The following EHF variants were observed in gnomAD, a reference collection of about 807,000 sequenced individuals.
EHF encodes ETS homologous factor, also known as ESE3 transcription factor.
In EHF, 14 loss-of-function variants were observed where a neutral mutation model predicts 45.1. The ratio of observed to expected loss-of-function variants is 0.31; its 90% CI spans 0.21 to 0.49. EHF has a LOEUF of 0.49. EHF is among the 20% of genes least tolerant of loss of function. The probability of loss-of-function intolerance (pLI) is 0.99; values close to 1 mark genes in which losing one functional copy is unlikely to be tolerated. For synonymous variants in EHF, 136 were observed against 131.8 expected, an observed-to-expected ratio of 1.03 and a Z score of -0.22; for missense variants, 282 against 371.4, an observed-to-expected ratio of 0.76 and a Z score of 1.98.
chr11:34,658,746 T>G lies in EHF; in HGVS notation c.803+18T>G. 1 of 1,609,154 alleles carries G rather than the reference T, an allele frequency of 6.2e-7. No homozygotes were observed. Among genetic ancestry groups the G allele is most frequent in the South Asian group, 1.1e-5 (1 of 90,220 alleles). ...GCTATGAGGTGAGGAGTTTCATGTC[T>G]CTGAAAACAAAAAGGCTGTACGACC... On this transcript the variant is annotated intron_variant, in intron 8 of 8. Coordinates refer to ENST00000257831, the MANE Select transcript of EHF (RefSeq NM_012153.6).
intron 4 of EHF, among the ~76,000 whole-genome samples, chr11:34,650,175 C>G (rs1855001650): frequency 6.6e-6 from 1 of 152,170 alleles, no homozygotes; most frequent in Non-Finnish European, 1.5e-5. Flanking sequence ...CAGGGTAATA[C>G]TGGAGAGGTC....
intron 1 of EHF, among the ~76,000 whole-genome samples, chr11:34,623,091 CT>C (rs962387441): frequency 2.6e-4 from 40 of 151,996 alleles, no homozygotes; most frequent in South Asian, 6.3e-4. Context: ...TCAAACAATC[CT>C]TTTTGGTTTT....
intron 1 of EHF, chr11:34,632,415 A>G (rs897775929): frequency 1.1e-5 from 15 of 1,419,908 alleles, no homozygotes; most frequent in Non-Finnish European, 1.3e-5. Flanking sequence ...TGACCCTCCT[A>G]CACATAAACA....
At chr11:34,654,807 A>G (rs1855512879) in intron 6 of EHF, among the ~76,000 whole-genome samples, 1 of 152,218 alleles carries the variant, frequency 6.6e-6, no homozygotes, top group African/African-American at 2.4e-5. Flanking sequence ...ATTCTAGATC[A>G]ACTAGGAACC....
At chr11:34,651,690 G>A (rs767930242) in intron 5 of EHF, 47 bp from the exon 6 acceptor site, 18 of 1,608,072 alleles carry the variant, frequency 1.1e-5, no homozygotes, top group Non-Finnish European at 1.4e-5. Context: ...ATTGTGAGGT[G>A]GGGGGAGGGG....
In EHF at chr11:34,661,629, C is replaced by T. The variant is rs923980062; in HGVS notation, c.*2698C>T. Among the ~76,000 whole-genome samples the T allele has an allele frequency of 6.6e-6, 1 of 152,030 alleles. No homozygotes were observed. The highest frequency in any genetic ancestry group is 6.6e-5 in the Admixed American group (1 of 15,232). On this transcript the variant is annotated 3_prime_UTR_variant, in exon 9 of 9. Transcript: ENST00000257831. ...TTTGCTGCATTTTCTATGTGCTGTT[C>T]GTGACTTGGAGAACTTAAAGTAATC...
chr11:34,660,054 A>G lies in EHF; in HGVS notation c.*1123A>G, dbSNP rs544993465. On this transcript the variant is annotated 3_prime_UTR_variant, in exon 9 of 9. Coordinates refer to ENST00000257831, the MANE Select transcript of EHF (RefSeq NM_012153.6). ...GGTGGTTTATTCTCAGAAGAAAAAG[A>G]TATGTAAGGTCTTTTAGCTCCTTAG... 2 of 152,132 alleles carry G rather than the reference A, an allele frequency of 1.3e-5. No individual in the cohort carries two copies. The highest frequency in any genetic ancestry group is 1.3e-4 in the Admixed American group (2 of 15,246). The allele number at this position is 152,132 out of a possible 1,614,324, so 9.4% of individuals were successfully genotyped here.
chr11:34,626,991 G>C (rs984659036), intron 1 of EHF, among the ~76,000 whole-genome samples: 7 of 152,172 alleles, frequency 4.6e-5, no homozygotes, highest in African/African-American at 1.7e-4. Flanking sequence ...CTGAACAAAA[G>C]CTTGTGAGTA....
rs1371978590 is a variant in EHF at position 34,661,933 on chromosome 11, T to C, written c.*3002T>C. Among the ~76,000 whole-genome samples the C allele has an allele frequency of 6.6e-6, 1 of 152,144 alleles. No homozygotes were observed. The highest frequency in any genetic ancestry group is 2.4e-5 in the African/African-American group (1 of 41,444). ...CCAGGCTCAAATCATCTGAGGCTGA[T>C]AGATATTTGACTTGGTAAGACTTAA... On this transcript the variant is annotated 3_prime_UTR_variant, in exon 9 of 9. Transcript: ENST00000257831.
chr11:34,658,937 C>T lies in EHF; in HGVS notation c.*6C>T. ...GGAGAGAAAATGAAAACTGAAGCTGCCAATACTTTGGACACAAACCAAAAC... is the reference window on the plus strand; with the variant it reads ...GGAGAGAAAATGAAAACTGAAGCTGTCAATACTTTGGACACAAACCAAAAC... On this transcript the variant is annotated 3_prime_UTR_variant, in exon 9 of 9. Coordinates refer to ENST00000257831, the MANE Select transcript of EHF (RefSeq NM_012153.6). 4 of 1,607,064 alleles carry T rather than the reference C, an allele frequency of 2.5e-6. No homozygotes were observed. The highest frequency in any genetic ancestry group is 1.7e-4 in the Middle Eastern group (1 of 6,034).
At chr11:34,622,268 ATGG>A in intron 1 of EHF, 2 of 310,830 alleles carry the variant, frequency 6.4e-6, no homozygotes, top group South Asian at 3.3e-5. Context: ...TGTTTTTAAG[ATGG>A]AGAGTGTATG....
chr11:34,634,190 AT>A (rs67887209), intron 1 of EHF, among the ~76,000 whole-genome samples: 6 of 151,814 alleles, frequency 4.0e-5, no homozygotes, highest in Admixed American at 2.0e-4. Context: ...ATGTACATGG[AT>A]TTTTTTTTCT....
At position 34,627,428 on chromosome 11, in the gene EHF, G is replaced by C. The variant is rs539082582; in HGVS notation, c.-4+6200G>C. 3.3e-5 allele frequency among the ~76,000 whole-genome samples: 5 copies of C among 152,218 alleles called. No homozygotes were observed. The South Asian group carries it at 6.2e-4, about 19-fold the overall frequency. ...CTCCTCCAGGCAGTTCACATGACTAGCTTTTAGGAGTGAGTATACCGTTGC... is the reference window on the plus strand; with the variant it reads ...CTCCTCCAGGCAGTTCACATGACTACCTTTTAGGAGTGAGTATACCGTTGC... On this transcript the variant is annotated intron_variant, in intron 1 of 8. Transcript: ENST00000257831.
At chr11:34,638,710 T>C (rs57463435) in intron 1 of EHF, among the ~76,000 whole-genome samples, 4,513 of 152,202 alleles carry the variant, frequency 0.03, 229 homozygotes, top group African/African-American at 0.1. Flanking sequence ...CACATTTCAG[T>C]GGTGGAGAGG....
intron 1 of EHF, among the ~76,000 whole-genome samples, chr11:34,630,283 T>C (rs1852754353): frequency 6.6e-6 from 1 of 152,036 alleles, no homozygotes; most frequent in South Asian, 2.1e-4. Context: ...ATATATCCAG[T>C]CCATTTGCTA....
At chr11:34,627,244 G>A (rs879544878) in intron 1 of EHF, among the ~76,000 whole-genome samples, 3 of 151,936 alleles carry the variant, frequency 2.0e-5, no homozygotes, top group Non-Finnish European at 4.4e-5. Flanking sequence ...CCATATTAAG[G>A]GGGGACCTCC....
intron 1 of EHF, among the ~76,000 whole-genome samples, chr11:34,633,554 G>T (rs11032795): frequency 0.014 from 2,191 of 152,212 alleles, 58 homozygotes; most frequent in African/African-American, 0.05. Context: ...AACAACATGG[G>T]GGTACTGAGC....
At chr11:34,634,567 G>T (rs1486877065) in intron 1 of EHF, among the ~76,000 whole-genome samples, 1 of 152,162 alleles carries the variant, frequency 6.6e-6, no homozygotes, top group African/African-American at 2.4e-5. Context: ...TGGCCCTGGT[G>T]GTTCCCAGTG....
chr11:34,626,164 C>T (rs966855959), intron 1 of EHF, among the ~76,000 whole-genome samples: 2 of 152,126 alleles, frequency 1.3e-5, no homozygotes, highest in African/African-American at 4.8e-5. Context: ...AGCTGCTTTT[C>T]CACCCCACTT....
Sources: allele counts gnomAD v4.1 joint callset (sites outside exome capture counted in the v4.1 genomes callset), GRCh38; gene constraint gnomAD v4.1.1; transcripts MANE v1.5; gene names NCBI Gene and HGNC (gene_info 2026-07-23, HGNC 2026-07-21).